The following DCUN1D5 variants were observed in gnomAD, a reference collection of about 807,000 sequenced individuals.
DCUN1D5 encodes the protein defective in cullin neddylation 1 domain containing 5.
A neutral mutation model predicts 38.3 loss-of-function variants in DCUN1D5; 10 were observed. That is an observed-to-expected ratio of 0.26 (90% CI 0.16 to 0.44). DCUN1D5 has a LOEUF of 0.44. Among genes scored for constraint, DCUN1D5 ranks in the 20% least tolerant of loss-of-function variants. The probability of loss-of-function intolerance (pLI) is 1.00; values close to 1 mark genes in which losing one functional copy is unlikely to be tolerated. For synonymous variants in DCUN1D5, 93 were observed against 90.9 expected (o/e 1.02, Z -0.13); for missense variants, 148 against 275.3 (o/e 0.54, Z 3.27).
rs1862026031 is a variant in DCUN1D5 at position 103,062,086 on chromosome 11, C to T, written c.*273G>A. On this transcript the variant is annotated 3_prime_UTR_variant, in exon 8 of 8. Coordinates refer to ENST00000260247, the MANE Select transcript of DCUN1D5 (RefSeq NM_032299.4). The surrounding 1 kb of genome is among the most constrained non-coding windows in gnomAD (Gnocchi z 4.6). ...CTCAAGGGACATCTTCACTTTAAGG[C>T]CTTTGTCACAAATCTGAATCTTTAT... 2 of 361,086 alleles carry T rather than the reference C, an allele frequency of 5.5e-6. No homozygotes were observed. The highest frequency in any genetic ancestry group is 1.6e-4 in the South Asian group (2 of 12,590). 22.4% of individuals were successfully genotyped at this position (361,086 alleles called of 1,614,324 possible).
At chr11:103,072,933 A>T (rs1862317419) in intron 4 of DCUN1D5, among the ~76,000 whole-genome samples, 1 of 152,238 alleles carries the variant, frequency 6.6e-6, no homozygotes, top group Non-Finnish European at 1.5e-5. Context: ...AGATATATAG[A>T]TCAGAAAAGA....
intron 4 of DCUN1D5, among the ~76,000 whole-genome samples, chr11:103,076,267 G>C (rs967191727): frequency 3.9e-5 from 6 of 151,956 alleles, no homozygotes; most frequent in African/African-American, 1.2e-4. Context: ...TAAACCACAG[G>C]GTAGGTGATA....
At chr11:103,082,711 T>A in intron 4 of DCUN1D5, 37 bp downstream of exon 4, 3 of 1,319,576 alleles carry the variant, frequency 2.3e-6, no homozygotes, top group Non-Finnish European at 3.3e-6. Context: ...GATCTTCAAA[T>A]AGGCCATCAA....
In DCUN1D5 at chr11:103,058,118, C is replaced by A. The variant is rs574336940; in HGVS notation, c.*4241G>T. Among the ~76,000 whole-genome samples the A allele has an allele frequency of 6.6e-6, 1 of 152,240 alleles. No individual in the cohort carries two copies. The highest frequency in any genetic ancestry group is 2.1e-4 in the South Asian group (1 of 4,818). On this transcript the variant is annotated 3_prime_UTR_variant, in exon 8 of 8. Transcript: ENST00000260247. Reference sequence around the variant, plus strand: ...ATACTTAGGTTAAAATCTAACCTTACTATATAGTGTTACTAGATGTATTTT... The same window carrying A: ...ATACTTAGGTTAAAATCTAACCTTAATATATAGTGTTACTAGATGTATTTT...
Position 103,073,751 on chromosome 11 carries a change from TCTTAGA to T in DCUN1D5, c.342-7190_342-7185del, listed in dbSNP as rs1862336503. ...CATGATATAAGGCTAGGCAAATAAT[TCTTAGA>T]CTTGACATCAAAAGTACAATCAAAA... On this transcript the variant is annotated intron_variant, in intron 4 of 7. Transcript: ENST00000260247. The surrounding 1 kb of genome is among the most constrained non-coding windows in gnomAD (Gnocchi z 4.2). 6.6e-6 allele frequency among the ~76,000 whole-genome samples: 1 copy of T among 152,158 alleles called. No individual in the cohort carries two copies. The highest frequency in any genetic ancestry group is 1.5e-5 in the Non-Finnish European group (1 of 68,030).
rs1862321093 is a variant in DCUN1D5, at chr11:103,073,079, T to TATA, written c.342-6513_342-6512insTAT. ...GATAAACATATAAAAATCAATTGTATTTCTATATATTAGTAATGAACATGT... is the reference window on the plus strand; with the variant it reads ...GATAAACATATAAAAATCAATTGTATATATTCTATATATTAGTAATGAACATGT... On this transcript the variant is annotated intron_variant, in intron 4 of 7. Coordinates refer to ENST00000260247, the MANE Select transcript of DCUN1D5 (RefSeq NM_032299.4). This position sits in a 1 kb window ranked among gnomAD's most constrained non-coding sequence, Gnocchi z 4.2. 6.6e-6 allele frequency among the ~76,000 whole-genome samples: 1 copy of TATA among 152,128 alleles called. No homozygotes were observed. The highest frequency in any genetic ancestry group is 2.4e-5 in the African/African-American group (1 of 41,432).
chr11:103,064,847 A>G lies in DCUN1D5; in HGVS notation c.556-470T>C, dbSNP rs977794724. 2.6e-5 allele frequency among the ~76,000 whole-genome samples: 4 copies of G among 152,206 alleles called. No homozygotes were observed. The highest frequency in any genetic ancestry group is 9.6e-5 in the African/African-American group (4 of 41,456). On this transcript the variant is annotated intron_variant, in intron 6 of 7. Transcript: ENST00000260247. The surrounding 1 kb of genome is among the most constrained non-coding windows in gnomAD (Gnocchi z 4.5). Reference sequence around the variant, plus strand: ...TGCCACTTAATTGAGTGATTTTGGGAAAGTTACTTAAGAATAGAAACCACC... The same window carrying G: ...TGCCACTTAATTGAGTGATTTTGGGGAAGTTACTTAAGAATAGAAACCACC...
intron 4 of DCUN1D5, among the ~76,000 whole-genome samples, chr11:103,076,528 T>C (rs1200350083): frequency 6.6e-6 from 1 of 152,226 alleles, no homozygotes; most frequent in Non-Finnish European, 1.5e-5. Context: ...TCAAACAGAT[T>C]GGTTAAAATT....
chr11:103,081,951 A>C (rs1432456391), intron 4 of DCUN1D5, among the ~76,000 whole-genome samples: 2 of 152,140 alleles, frequency 1.3e-5, no homozygotes, highest in Non-Finnish European at 2.9e-5. Context: ...CATAATCACA[A>C]CAGGAAACCA....
chr11:103,072,813 G>A (rs1268964380), intron 4 of DCUN1D5, among the ~76,000 whole-genome samples: 1 of 151,916 alleles, frequency 6.6e-6, no homozygotes, highest in Non-Finnish European at 1.5e-5. Flanking sequence ...TAACATAAAC[G>A]ACGAGCTAAC....
In DCUN1D5 at chr11:103,051,643, A is replaced by C. The variant is rs902207553; in HGVS notation, c.*10716T>G. ...AATATTTGGAACCCACTACATTCAA[A>C]GCATAGCATTAGGTTTTACTTAGCA... On this transcript the variant is annotated 3_prime_UTR_variant, in exon 8 of 8. Transcript: ENST00000260247. 2 of 152,184 alleles carry C rather than the reference A, an allele frequency of 1.3e-5. No homozygotes were observed. Among genetic ancestry groups the C allele is most frequent in the African/African-American group, 4.8e-5 (2 of 41,436 alleles). 9.4% of individuals were successfully genotyped at this position (152,184 alleles called of 1,614,324 possible). A position where few individuals can be genotyped will look rare whatever the true frequency, so the allele number is the denominator to read the frequency against.
rs1862136271 is a variant in DCUN1D5 at position 103,066,450 on chromosome 11, T to C, written c.450+9A>G. ...TATTAAAACAACAAAACAAGAAAAT[T>C]GCACCTACCCTTGCAAAATCAAAGG... On this transcript the variant is annotated intron_variant, in intron 5 of 7. Transcript: ENST00000260247. The surrounding 1 kb of genome is among the most constrained non-coding windows in gnomAD (Gnocchi z 4.7). 1 of 1,595,936 alleles carries C rather than the reference T, an allele frequency of 6.3e-7. No individual in the cohort carries two copies.
chr11:103,066,621 G>GT lies in DCUN1D5; in HGVS notation c.342-55dup. ...ACATAATCAAGAAAATCAAATAAAA[G>GT]TATCACTGGGGGTTAGACGTAATGC... On this transcript the variant is annotated intron_variant, in intron 4 of 7. Coordinates refer to ENST00000260247, the MANE Select transcript of DCUN1D5 (RefSeq NM_032299.4). This position sits in a 1 kb window ranked among gnomAD's most constrained non-coding sequence, Gnocchi z 4.7. 1 of 1,101,896 alleles carries GT rather than the reference G, an allele frequency of 9.1e-7. No individual in the cohort carries two copies. Among genetic ancestry groups the GT allele is most frequent in the Non-Finnish European group, 1.4e-6 (1 of 727,744 alleles). The allele number at this position is 1,101,896 out of a possible 1,614,324, so 68.3% of individuals were successfully genotyped here. A position where few individuals can be genotyped will look rare whatever the true frequency, so the allele number is the denominator to read the frequency against.
rs1210983683 is a variant in DCUN1D5 at position 103,091,812 on chromosome 11, C to A, written c.61G>T (p.Gly21Cys). The A allele has an allele frequency of 3.1e-6, 5 of 1,614,100 alleles. No homozygotes were observed. Among genetic ancestry groups the A allele is most frequent in the Middle Eastern group, 1.6e-4 (1 of 6,062 alleles). ...GVAAAVAEDG[G>C]LKKCKISSYC... ...CTGGAGATTTTACACTTTTTGAGGC[C>A]TCCGTCTTCCGCTACTGCTGCTGCC... Residue 21 changes from glycine to cysteine, a missense_variant, in exon 1 of 8, where the codon GGC becomes TGC. Physicochemically the swap from Gly to Cys is radical, Grantham distance 159 (BLOSUM62 -3). Coordinates refer to ENST00000260247, the MANE Select transcript of DCUN1D5 (RefSeq NM_032299.4). The surrounding 1 kb of genome is among the most constrained non-coding windows in gnomAD (Gnocchi z 4.3).
intron 4 of DCUN1D5, among the ~76,000 whole-genome samples, chr11:103,074,391 A>G (rs984521663): frequency 6.6e-6 from 1 of 151,988 alleles, no homozygotes; most frequent in African/African-American, 2.4e-5. Flanking sequence ...TCTTCTTTCT[A>G]TCTCATCTGC....
In DCUN1D5 at chr11:103,079,588, G is replaced by C. The variant is rs189520893; in HGVS notation, c.341+3160C>G. ...GAGCATCACTTGAGCCCAGGAGTTT[G>C]AGACCAGCCTGGACAACATAGTGAG... On this transcript the variant is annotated intron_variant, in intron 4 of 7. Coordinates refer to ENST00000260247, the MANE Select transcript of DCUN1D5 (RefSeq NM_032299.4). Among the ~76,000 whole-genome samples the C allele has an allele frequency of 1.3e-3, 200 of 151,684 alleles. 1 individual carries two copies. Among genetic ancestry groups the C allele is most frequent in the African/African-American group, 4.7e-3 (196 of 41,326 alleles).
At position 103,092,109 on chromosome 11, in the gene DCUN1D5, A is replaced by C. The variant is rs1313948827; in HGVS notation, c.-237T>G. The C allele has an allele frequency of 1.0e-5, 5 of 487,590 alleles. No individual in the cohort carries two copies. The highest frequency in any genetic ancestry group is 1.8e-5 in the Non-Finnish European group (5 of 275,754). 30.2% of individuals were successfully genotyped at this position (487,590 alleles called of 1,614,324 possible). A position where few individuals can be genotyped will look rare whatever the true frequency, so the allele number is the denominator to read the frequency against. On this transcript the variant is annotated 5_prime_UTR_variant, in exon 1 of 8. Transcript: ENST00000260247. ...CCGGTGGACACTGCGGTTCGTTCTC[A>C]CCGGGAGGAGATAACGCGGACAGCG...
intron 4 of DCUN1D5, among the ~76,000 whole-genome samples, chr11:103,068,838 T>TA (rs34458894): frequency 4.3e-4 from 62 of 145,384 alleles, no homozygotes; most frequent in Admixed American, 1.3e-3. Flanking sequence ...ACCTAAAAAT[T>TA]AAAAAAAAAA....
In DCUN1D5 at chr11:103,057,260, GTTAGT is replaced by G. The variant is rs1207151676; in HGVS notation, c.*5094_*5098del. Among the ~76,000 whole-genome samples the G allele has an allele frequency of 1.3e-5, 2 of 152,176 alleles. No individual in the cohort carries two copies. The highest frequency in any genetic ancestry group is 2.9e-5 in the Non-Finnish European group (2 of 68,026). ...AAGTTAATTCTGCTAAGTTTGATAA[GTTAGT>G]TTAAGTCTCAAATGACAAGTTGCTC... is the stretch of plus-strand genomic sequence containing the variant. On this transcript the variant is annotated 3_prime_UTR_variant, in exon 8 of 8. Transcript: ENST00000260247. The surrounding 1 kb of genome is among the most constrained non-coding windows in gnomAD (Gnocchi z 4.8).
Sources: gnomAD v4.1 joint callset for allele counts (sites outside exome capture counted in the v4.1 genomes callset) on GRCh38, gnomAD v4.1.1 for gene constraint, Gnocchi (gnomAD v3.1) non-coding constraint, MANE v1.5 for transcripts, NCBI Gene and HGNC (gene_info 2026-07-23, HGNC 2026-07-21) for gene names.